Variants in KCNAB1 observed in about 807,000 individuals in gnomAD.
KCNAB1 encodes voltage-gated potassium channel subunit beta-1.
A neutral mutation model predicts 64.6 loss-of-function variants in KCNAB1; 35 were observed. The observed-to-expected ratio is 0.54, with a 90% confidence interval of 0.41 to 0.72. The LOEUF (loss-of-function observed/expected upper bound fraction) is 0.72. Among genes scored for constraint, KCNAB1 ranks in the 30% least tolerant of loss-of-function variants. The pLI is 0.00. For missense variants in KCNAB1, 401 were observed against 512.9 expected (o/e 0.78, Z 2.11); for synonymous variants, 177 against 183.8 (o/e 0.96, Z 0.30).
At chr3:156,506,744 G>A (rs922204335) in intron 8 of KCNAB1, among the ~76,000 whole-genome samples, 1 of 152,140 alleles carries the variant, frequency 6.6e-6, no homozygotes, top group Non-Finnish European at 1.5e-5. Context: ...TTTGGCCAGT[G>A]CCCTGATCCA....
chr3:156,509,084 A>G (rs992852648), intron 8 of KCNAB1, among the ~76,000 whole-genome samples: 11 of 151,500 alleles, frequency 7.3e-5, no homozygotes, highest in Admixed American at 2.6e-4. Context: ...GGCGGAGGGG[A>G]AAGAGGGAGA....
At chr3:156,381,866 T>A (rs1370453615) in intron 1 of KCNAB1, among the ~76,000 whole-genome samples, 3 of 152,222 alleles carry the variant, frequency 2.0e-5, no homozygotes, top group African/African-American at 7.2e-5. Context: ...AAGACTCAAC[T>A]GCCACATTAG....
intron 1 of KCNAB1, among the ~76,000 whole-genome samples, chr3:156,162,457 G>A (rs1030468679): frequency 6.6e-6 from 1 of 152,068 alleles, no homozygotes; most frequent in Admixed American, 6.6e-5. Flanking sequence ...GTTGCCACCA[G>A]TCTCCTTACT....
chr3:156,200,395 G>T (rs1714249055), intron 1 of KCNAB1, among the ~76,000 whole-genome samples: 1 of 152,202 alleles, frequency 6.6e-6, no homozygotes, highest in Admixed American at 6.5e-5. Flanking sequence ...CAGGCAAGAA[G>T]CTTTGTCTGC....
chr3:156,194,597 G>A (rs1210669931), intron 1 of KCNAB1, among the ~76,000 whole-genome samples: 9 of 151,820 alleles, frequency 5.9e-5, no homozygotes, highest in Non-Finnish European at 1.3e-4. Flanking sequence ...TATCTTCTTG[G>A]ATCCAAGGGT....
chr3:156,119,687 A>AG (rs961940349), upstream of KCNAB1, among the ~76,000 whole-genome samples: 12 of 152,224 alleles, frequency 7.9e-5, no homozygotes, highest in African/African-American at 2.7e-4. Context: ...ATAGACCCCT[A>AG]GGTGGACACT....
chr3:156,499,529 C>G (rs561284915), intron 8 of KCNAB1, among the ~76,000 whole-genome samples: 1 of 151,996 alleles, frequency 6.6e-6, no homozygotes, highest in Non-Finnish European at 1.5e-5. Context: ...ATTGTTAACC[C>G]TCTATGTGCA....
intron 12 of KCNAB1, chr3:156,524,322 G>T (rs978549820): frequency 1.2e-5 from 2 of 160,480 alleles, no homozygotes; most frequent in Non-Finnish European, 2.7e-5. Flanking sequence ...GCTGTGACAG[G>T]CCCAAGGCTA....
intron 8 of KCNAB1, among the ~76,000 whole-genome samples, chr3:156,492,433 T>C (rs6784889): frequency 0.11 from 16,931 of 151,984 alleles, 2,817 homozygotes; most frequent in African/African-American, 0.36. Context: ...TCATTCCACT[T>C]TTTTTTAGCA....
chr3:156,301,776 C>T (rs1721171338), intron 1 of KCNAB1, among the ~76,000 whole-genome samples: 1 of 152,156 alleles, frequency 6.6e-6, no homozygotes, highest in Non-Finnish European at 1.5e-5. Flanking sequence ...TGGACATTTG[C>T]CAGAGAACTC....
intron 1 of KCNAB1, among the ~76,000 whole-genome samples, chr3:156,150,505 C>T (rs548294305): frequency 1.3e-5 from 2 of 152,158 alleles, no homozygotes; most frequent in South Asian, 4.2e-4. Context: ...GGGATCCGTG[C>T]TTTCTTATAT....
At chr3:156,383,291 C>T (rs1354160015) in intron 1 of KCNAB1, among the ~76,000 whole-genome samples, 1 of 152,156 alleles carries the variant, frequency 6.6e-6, no homozygotes, top group Non-Finnish European at 1.5e-5. Flanking sequence ...CTACTTTTAA[C>T]AATTCAACAT....
rs549391940 is a variant in KCNAB1, at chr3:156,375,418, T to G, written c.276-46198T>G. ...GATGCTCCGAGAAGTTTAACGACAT[T>G]CCTGATGTTGCAAAGCTGGGAAGGG... On this transcript the variant is annotated intron_variant, in intron 1 of 13. Coordinates refer to ENST00000490337, the MANE Select transcript of KCNAB1 (RefSeq NM_172160.3). Among the ~76,000 whole-genome samples, 9 of 135,216 alleles carry G rather than the reference T, an allele frequency of 6.7e-5. 3 individuals are homozygous for G. Among genetic ancestry groups the G allele is most frequent in the African/African-American group, 2.7e-4 (8 of 30,148 alleles). The allele number at this position is 135,216 out of a possible 152,430, so 88.7% of individuals were successfully genotyped here.
chr3:156,342,286 C>T (rs780095826), intron 1 of KCNAB1, among the ~76,000 whole-genome samples: 1 of 152,212 alleles, frequency 6.6e-6, no homozygotes, highest in African/African-American at 2.4e-5. Flanking sequence ...GGAATTTAGA[C>T]GTTCAGTTAG....
chr3:156,273,190 G>A (rs1164291911), intron 1 of KCNAB1, among the ~76,000 whole-genome samples: 9 of 152,064 alleles, frequency 5.9e-5, no homozygotes, highest in Non-Finnish European at 2.9e-5. Flanking sequence ...GTGGGGAAGG[G>A]GTGGAACAAG....
chr3:156,373,114 C>G (rs11719267), intron 1 of KCNAB1, among the ~76,000 whole-genome samples: 1 of 152,208 alleles, frequency 6.6e-6, no homozygotes, highest in Non-Finnish European at 1.5e-5. Flanking sequence ...TAGCAACTTC[C>G]TAAATTGGAA....
intron 2 of KCNAB1, chr3:156,446,215 G>T (rs1043552798): frequency 1.3e-5 from 2 of 152,230 alleles, no homozygotes; most frequent in African/African-American, 4.8e-5. Flanking sequence ...TGGAGCTTAA[G>T]GATCTCAGGT....
chr3:156,155,212 G>T (rs1473702543), intron 1 of KCNAB1, among the ~76,000 whole-genome samples: 1 of 152,004 alleles, frequency 6.6e-6, no homozygotes, highest in Non-Finnish European at 1.5e-5. Context: ...TATCCCCCCT[G>T]CCCTGCCACC....
chr3:156,259,090 T>C (rs923458833), intron 1 of KCNAB1, among the ~76,000 whole-genome samples: 4 of 152,238 alleles, frequency 2.6e-5, no homozygotes, highest in Non-Finnish European at 4.4e-5. Context: ...TTTAAACCTT[T>C]GAACACCTTT....
Sources: gnomAD v4.1 joint callset for allele counts (sites outside exome capture counted in the v4.1 genomes callset) on GRCh38, gnomAD v4.1.1 for gene constraint, MANE v1.5 for transcripts, NCBI Gene and HGNC (gene_info 2026-07-23, HGNC 2026-07-21) for gene names.